Variants in DENND2D observed in about 807,000 individuals in gnomAD.
The protein encoded by DENND2D is DENN domain-containing protein 2D.
In DENND2D, 37 loss-of-function variants were observed where a neutral mutation model predicts 59.8. That is an observed-to-expected ratio of 0.62 (90% confidence interval 0.48 to 0.81). DENND2D has a LOEUF of 0.81. Among genes scored for constraint, DENND2D ranks in the 40% least tolerant of loss-of-function variants. The pLI is 0.00. For synonymous variants in DENND2D, 219 were observed against 211.3 expected (o/e 1.04, Z -0.31); for missense variants, 525 against 579.7 (o/e 0.91, Z 0.97).
At chr1:111,189,101 T>G (rs1458170755) in intron 9 of DENND2D, 111 bp downstream of exon 9, 1 of 1,278,282 alleles carries the variant, frequency 7.8e-7, no homozygotes, top group Non-Finnish European at 1.1e-6. Flanking sequence ...TTAGCACAGA[T>G]TCTCACTCAA....
At position 111,188,133 on chromosome 1, in the gene DENND2D, G is replaced by A. The variant is rs772032445; in HGVS notation, c.1337C>T (p.Ala446Val). ...QEAEKSKNPP[A>V]GYFQQKILEY... ...ACTGATGGGGACTGTTACTGTACCT[G>A]CAGGAGGATTCTTGCTCTTCTCGGC... Residue 446 changes from alanine to valine, a missense_variant and splice_region_variant, in exon 11 of 12, where the codon GCA (alanine) becomes GTA (valine). Ala to Val is a moderately conservative substitution (Grantham distance 64). Around this residue, in one of 3 missense-constraint regions of DENND2D, gnomAD observed 225 missense variants for 252.4 expected, o/e 0.89. Transcript: ENST00000357640. The A allele has an allele frequency of 2.0e-5, 33 of 1,614,028 alleles. No homozygotes were observed. The highest frequency in any genetic ancestry group is 2.6e-5 in the Non-Finnish European group (31 of 1,180,014).
chr1:111,204,157 C>T (rs1659085428), upstream of DENND2D: 2 of 901,934 alleles, frequency 2.2e-6, no homozygotes, highest in Admixed American at 4.3e-5. Context: ...TGCCCCCGCG[C>T]AGCCTCCTGA....
chr1:111,202,359 T>C (rs1338987138), upstream of DENND2D: 2 of 152,206 alleles, frequency 1.3e-5, no homozygotes, highest in Admixed American at 1.3e-4. Flanking sequence ...CAAAAGGTGT[T>C]ATCCACAGGA....
At position 111,188,223 on chromosome 1, in the gene DENND2D, T is replaced by G. The variant is rs755172539; in HGVS notation, c.1247A>C (p.Lys416Thr). 6.2e-7 allele frequency: 1 copy of G among 1,614,212 alleles called. No individual in the cohort carries two copies. The highest frequency in any genetic ancestry group is 8.5e-7 in the Non-Finnish European group (1 of 1,180,030). The change falls in exon 11 of 12, where the codon AAG becomes ACG. Residue 416 changes from lysine to threonine, a missense_variant. Lys to Thr is a moderately conservative substitution (Grantham distance 78, BLOSUM62 -1). Transcript: ENST00000357640. ...CTTCTTCACAAATCGGCGGTTGGTC[T>G]TGGAGGTCAGAGCCTTACAGAAGGA... ...ERSFCKALTS[K>T]TNRRFVKKFV...
At chr1:111,189,000 T>C (rs1425779969) in intron 9 of DENND2D, among the ~76,000 whole-genome samples, 1 of 152,114 alleles carries the variant, frequency 6.6e-6, no homozygotes, top group Non-Finnish European at 1.5e-5. Context: ...TTGATTTATA[T>C]CCCTTGCTTA....
intron 8 of DENND2D, among the ~76,000 whole-genome samples, chr1:111,190,635 T>C (rs1393697070): frequency 6.6e-6 from 1 of 152,222 alleles, no homozygotes; most frequent in African/African-American, 2.4e-5. Context: ...CCCACCAGTT[T>C]ACCGTAACTT....
intron 8 of DENND2D, among the ~76,000 whole-genome samples, chr1:111,191,356 A>T (rs1657751141): frequency 1.3e-5 from 2 of 152,166 alleles, no homozygotes; most frequent in Non-Finnish European, 2.9e-5. Context: ...GAGCTCAGTT[A>T]TCTCTTGGAG....
Position 111,198,690 on chromosome 1 carries a change from G to C in DENND2D, c.296C>G (p.Ala99Gly). The change falls in exon 3 of 12, where the codon GCT becomes GGT. Residue 99 changes from alanine to glycine, a missense_variant. Ala to Gly is a moderately conservative substitution (Grantham distance 60, BLOSUM62 0). This residue lies in a region of DENND2D where 253 missense variants were observed against 246.4 expected (regional missense o/e 1.03). Transcript: ENST00000357640. ...QQEEEERLLK[A>G]IPLFCFPDGN... The stretch of plus-strand genomic sequence containing the variant: ...ATCTGGGAAGCAGAACAAGGGGATA[G>C]CTTTGAGCAGCCGCTCCTCCTCCTC... 6.2e-7 allele frequency: 1 copy of C among 1,614,194 alleles called. No individual in the cohort carries two copies. Among genetic ancestry groups the C allele is most frequent in the Non-Finnish European group, 8.5e-7 (1 of 1,180,026 alleles).
intron 8 of DENND2D, among the ~76,000 whole-genome samples, chr1:111,189,552 A>G (rs931798491): frequency 6.6e-6 from 1 of 152,194 alleles, no homozygotes; most frequent in African/African-American, 2.4e-5. Context: ...TTAATAAAAC[A>G]TTGACTGCAG....
chr1:111,191,394 C>T (rs1657756491), intron 8 of DENND2D, among the ~76,000 whole-genome samples: 1 of 152,214 alleles, frequency 6.6e-6, no homozygotes, highest in African/African-American at 2.4e-5. Context: ...CCAGGGCAGA[C>T]ATTCCCAAGT....
Position 111,192,009 on chromosome 1 carries a change from G to A in DENND2D, c.972+131C>T, listed in dbSNP as rs151121538. On this transcript the variant is annotated intron_variant, in intron 8 of 11. Coordinates refer to ENST00000357640, the MANE Select transcript of DENND2D (RefSeq NM_024901.5). ...AGTGAACACTGTTATCCCCATTTTA[G>A]AGATGAGAAAGCTCAGGCTTAAAGA... is the stretch of plus-strand genomic sequence containing the variant. 27 of 877,106 alleles carry A rather than the reference G, an allele frequency of 3.1e-5. No homozygotes were observed. In the African/African-American group the frequency reaches 4.2e-4, roughly 14 times the overall value. 54.3% of individuals were successfully genotyped at this position (877,106 alleles called of 1,614,324 possible).
At chr1:111,195,730 A>C in intron 6 of DENND2D, 186 bp downstream of exon 6, 1 of 734,028 alleles carries the variant, frequency 1.4e-6, no homozygotes, top group Non-Finnish European at 2.2e-6. Context: ...GCTTGTGGGT[A>C]TCAAGTTAGA....
chr1:111,192,344 T>G, intron 7 of DENND2D, 27 bp from the exon 8 acceptor site: 1 of 1,538,102 alleles, frequency 6.5e-7, no homozygotes, highest in Non-Finnish European at 8.8e-7. Context: ...AGGATGAGAG[T>G]CAGGGGGCCC....
chr1:111,187,709 G>T (rs1333453601), intron 11 of DENND2D, 28 bp from the exon 12 acceptor site: 1 of 1,563,038 alleles, frequency 6.4e-7, no homozygotes, highest in African/African-American at 1.4e-5. Flanking sequence ...GGTGTTAGAG[G>T]CATCTGATCT....
In DENND2D at chr1:111,194,709, C is replaced by T; in HGVS notation, c.663G>A (p.Arg221=). 1 of 1,613,852 alleles carries T rather than the reference C, an allele frequency of 6.2e-7. No homozygotes were observed. The highest frequency in any genetic ancestry group is 8.5e-7 in the Non-Finnish European group (1 of 1,179,922). The change falls in exon 7 of 12, where the codon CGG becomes CGA. Residue 221 remains arginine (R), a synonymous_variant. Coordinates refer to ENST00000357640, the MANE Select transcript of DENND2D (RefSeq NM_024901.5). ...DSGTEFISLT[R]PLDSHLEHVD... ...CATGTTCTAGGTGGGAGTCCAGGGGCCGTGTCAGTGAAATGAACTGTGGGG... is the reference window on the plus strand; with the variant it reads ...CATGTTCTAGGTGGGAGTCCAGGGGTCGTGTCAGTGAAATGAACTGTGGGG...
At chr1:111,199,110 G>A (rs1251056194) in intron 2 of DENND2D, among the ~76,000 whole-genome samples, 2 of 152,222 alleles carry the variant, frequency 1.3e-5, no homozygotes, top group African/African-American at 2.4e-5. Flanking sequence ...AAGAGAAGCG[G>A]CCAGCTCAGT....
In DENND2D at chr1:111,188,295, G is replaced by A; in HGVS notation, c.1175C>T (p.Ser392Phe). 6.2e-7 allele frequency: 1 copy of A among 1,614,190 alleles called. No individual in the cohort carries two copies. Among genetic ancestry groups the A allele is most frequent in the Non-Finnish European group, 8.5e-7 (1 of 1,180,048 alleles). The change falls in exon 11 of 12, where the codon TCC (serine) becomes TTC (phenylalanine). Residue 392 changes from serine to phenylalanine, a missense_variant. Coordinates refer to ENST00000357640, the MANE Select transcript of DENND2D (RefSeq NM_024901.5). ...FFVKIVGHYA[S>F]YIKREANGQG... ...CCCATTTGCCTCCCGCTTGATATAG[G>A]AAGCATAATGGCCCACAATCTTGAC...
intron 2 of DENND2D, 23 bp from the exon 3 acceptor site, chr1:111,198,765 A>G (rs755530521): frequency 6.2e-7 from 1 of 1,613,074 alleles, no homozygotes; most frequent in South Asian, 1.1e-5. Context: ...GGAAAAGACA[A>G]GTGGATGTGA....
chr1:111,196,987 C>G, intron 5 of DENND2D, 189 bp downstream of exon 5: 1 of 632,454 alleles, frequency 1.6e-6, no homozygotes, highest in Non-Finnish European at 2.7e-6. Context: ...AGGTCCAGTC[C>G]CCTAGATTCA....
Sources: allele counts gnomAD v4.1 joint callset (sites outside exome capture counted in the v4.1 genomes callset), GRCh38; gene constraint gnomAD v4.1.1; regional missense constraint gnomAD v4.1.1; transcripts MANE v1.5; gene names NCBI Gene and HGNC (gene_info 2026-07-23, HGNC 2026-07-21).